ATP6V1H: variants seen among roughly 807,000 people sequenced by gnomAD.
The protein encoded by ATP6V1H is V-type proton ATPase subunit H.
In ATP6V1H, 39 loss-of-function variants were observed where a neutral mutation model predicts 71.7. The ratio of observed to expected loss-of-function variants is 0.54; its 90% confidence interval spans 0.42 to 0.71. The LOEUF (loss-of-function observed/expected upper bound fraction) is 0.71, where lower values mean the gene tolerates loss of function less well. ATP6V1H is among the 30% of genes least tolerant of loss of function. The pLI is 0.00. For missense variants in ATP6V1H, 509 were observed against 594.9 expected (o/e 0.86, Z 1.50); for synonymous variants, 192 against 199.3 (o/e 0.96, Z 0.31).
At chr8:53,787,114 TAACA>T (rs1416588691) in intron 9 of ATP6V1H, among the ~76,000 whole-genome samples, 1 of 152,228 alleles carries the variant, frequency 6.6e-6, no homozygotes. Context: ...TGCAGGTTAC[TAACA>T]AACAGTTCAC....
intron 9 of ATP6V1H, among the ~76,000 whole-genome samples, chr8:53,784,624 TCCTAGCAGTGATGGTCTTTACAA>T (rs1200480151): frequency 3.9e-5 from 6 of 152,358 alleles, no homozygotes; most frequent in African/African-American, 1.4e-4. Flanking sequence ...TGCAGTTTCT[TCCTAGCAGTGATGGTCTTTACAA>T]TTTGGCATGT....
At position 53,817,534 on chromosome 8, in the gene ATP6V1H, AAAAAG is replaced by A. The variant is rs759761777; in HGVS notation, c.307-9_307-5del. 19 of 1,594,804 alleles carry A rather than the reference AAAAAG, an allele frequency of 1.2e-5. No individual in the cohort carries two copies. The highest frequency in any genetic ancestry group is 1.7e-5 in the Admixed American group (1 of 59,096). ...TGCTAACACGCTGATGATTTTCCTAAAAAAGAAAAGAAATGATATCACCAGTCAGA... is the reference window on the plus strand; with the variant it reads ...TGCTAACACGCTGATGATTTTCCTAAAAAAGAAATGATATCACCAGTCAGA... On this transcript the variant is annotated splice_region_variant and splice_polypyrimidine_tract_variant and intron_variant, in intron 4 of 13. Transcript: ENST00000359530.
chr8:53,819,585 T>TATATATATAA (rs1451338810), intron 4 of ATP6V1H, among the ~76,000 whole-genome samples: 6 of 83,568 alleles, frequency 7.2e-5, no homozygotes, highest in African/African-American at 1.5e-4. Flanking sequence ...TATATATATA[T>TATATATATAA]AAAATACACA....
intron 2 of ATP6V1H, chr8:53,833,301 T>C: frequency 2.0e-6 from 1 of 509,288 alleles, no homozygotes. Context: ...ATCTGCAAAA[T>C]GCGAACAATA....
chr8:53,777,516 AT>A (rs1051668195), intron 9 of ATP6V1H, among the ~76,000 whole-genome samples: 1 of 152,202 alleles, frequency 6.6e-6, no homozygotes, highest in Admixed American at 6.5e-5. Context: ...TCCAGCAAAA[AT>A]ATCCTTCCAG....
chr8:53,813,770 G>A (rs1199352313), intron 6 of ATP6V1H, among the ~76,000 whole-genome samples: 2 of 152,140 alleles, frequency 1.3e-5, no homozygotes, highest in Admixed American at 1.3e-4. Context: ...ACACCTGCAG[G>A]CTATCTTCCT....
chr8:53,841,488 C>T, intron 2 of ATP6V1H, 90 bp downstream of exon 2: 1 of 1,391,226 alleles, frequency 7.2e-7, no homozygotes, highest in Admixed American at 1.8e-5. Flanking sequence ...TCAGTATTTT[C>T]CCTGTATTTC....
chr8:53,767,764 A>G (rs1487834559), intron 11 of ATP6V1H, among the ~76,000 whole-genome samples: 1 of 152,238 alleles, frequency 6.6e-6, no homozygotes, highest in Non-Finnish European at 1.5e-5. Context: ...GGATAGCCAC[A>G]TGCAAAAGAA....
At chr8:53,743,106 TTTAG>T (rs1451619594) in intron 13 of ATP6V1H, among the ~76,000 whole-genome samples, 1 of 152,238 alleles carries the variant, frequency 6.6e-6, no homozygotes, top group Non-Finnish European at 1.5e-5. Flanking sequence ...GAAGCATAAC[TTTAG>T]TTACTTCAAA....
At chr8:53,745,267 G>A (rs193060581) in intron 12 of ATP6V1H, among the ~76,000 whole-genome samples, 214 of 152,158 alleles carry the variant, frequency 1.4e-3, no homozygotes, top group African/African-American at 4.9e-3. Flanking sequence ...CAGGCATGGT[G>A]GTGTGTACCT....
In ATP6V1H at chr8:53,772,786, A is replaced by C. The variant is rs141501617; in HGVS notation, c.871-619T>G. ...TATAACAATAAGCTGTCATGGAATT[A>C]AGCAATGTTTCTGAGTAAGGACCAG... On this transcript the variant is annotated intron_variant, in intron 9 of 13. Coordinates refer to ENST00000359530, the MANE Select transcript of ATP6V1H (RefSeq NM_015941.4). 8.7e-3 allele frequency among the ~76,000 whole-genome samples: 1,329 copies of C among 152,274 alleles called. 13 individuals are homozygous for C. The highest frequency in any genetic ancestry group is 0.013 in the Non-Finnish European group (896 of 68,020).
chr8:53,800,452 T>A (rs551619504), intron 8 of ATP6V1H, among the ~76,000 whole-genome samples: 1 of 152,226 alleles, frequency 6.6e-6, no homozygotes, highest in Non-Finnish European at 1.5e-5. Context: ...AACAAAGAGA[T>A]AGATTGCACT....
intron 12 of ATP6V1H, among the ~76,000 whole-genome samples, chr8:53,751,951 A>G (rs1807814216): frequency 6.6e-6 from 1 of 152,186 alleles, no homozygotes; most frequent in Non-Finnish European, 1.5e-5. Flanking sequence ...TACAGGTGTG[A>G]GCCACTGTGC....
At chr8:53,804,167 T>C (rs956841748) in intron 7 of ATP6V1H, among the ~76,000 whole-genome samples, 1 of 152,228 alleles carries the variant, frequency 6.6e-6, no homozygotes, top group Admixed American at 6.5e-5. Flanking sequence ...ATTACTTTCA[T>C]AGTATAGAGA....
At chr8:53,816,624 C>T (rs543991139) in intron 5 of ATP6V1H, among the ~76,000 whole-genome samples, 98 of 152,198 alleles carry the variant, frequency 6.4e-4, no homozygotes, top group African/African-American at 2.2e-3. Flanking sequence ...GGTGAAATCC[C>T]GTCTTTACTA....
chr8:53,834,673 C>T (rs1362727092), intron 2 of ATP6V1H, among the ~76,000 whole-genome samples: 1 of 152,164 alleles, frequency 6.6e-6, no homozygotes, highest in Non-Finnish European at 1.5e-5. Flanking sequence ...ATCCACCTGC[C>T]TCAGCCTCCC....
chr8:53,772,281 A>G (rs1808690353), intron 9 of ATP6V1H, 114 bp from the exon 10 acceptor site: 2 of 822,542 alleles, frequency 2.4e-6, no homozygotes, highest in East Asian at 2.7e-5. Context: ...AAGTTTAACT[A>G]TCACCTTTAA....
At chr8:53,831,357 GTA>G (rs1473921870) in intron 3 of ATP6V1H, among the ~76,000 whole-genome samples, 1 of 152,182 alleles carries the variant, frequency 6.6e-6, no homozygotes, top group Non-Finnish European at 1.5e-5. Context: ...ACAATAGTAA[GTA>G]TGTGTGTGTC....
chr8:53,838,814 G>A (rs1811255167), intron 2 of ATP6V1H, among the ~76,000 whole-genome samples: 1 of 152,062 alleles, frequency 6.6e-6, no homozygotes, highest in Non-Finnish European at 1.5e-5. Context: ...AAGCATATTG[G>A]GCTCTCGACA....
Sources: allele counts gnomAD v4.1 joint callset (sites outside exome capture counted in the v4.1 genomes callset), GRCh38; gene constraint gnomAD v4.1.1; transcripts MANE v1.5; gene names NCBI Gene and HGNC (gene_info 2026-07-23, HGNC 2026-07-21).